ECHDC1: variants seen among roughly 807,000 people sequenced by gnomAD.
ECHDC1 encodes the protein ethylmalonyl-CoA decarboxylase 1.
ECHDC1 carries 29 observed loss-of-function variants against 29.7 expected under a neutral mutation model. The observed-to-expected ratio is 0.98, with a 90% confidence interval of 0.73 to 1.33. ECHDC1 has a LOEUF of 1.33. Ranked by LOEUF, ECHDC1 falls within the 40% of genes most tolerant of loss-of-function variation. The pLI, the probability that ECHDC1 is intolerant of heterozygous loss-of-function variation, is 0.00. For missense variants in ECHDC1, 328 were observed against 350.0 expected, an observed-to-expected ratio of 0.94 and a Z score of 0.50; for synonymous variants, 126 against 123.1, an observed-to-expected ratio of 1.02 and a Z score of -0.15.
chr6:127,334,262 T>C (rs1784234407), intron 1 of ECHDC1, among the ~76,000 whole-genome samples: 1 of 152,116 alleles, frequency 6.6e-6, no homozygotes, highest in Admixed American at 6.5e-5. Flanking sequence ...TTACTCCTTC[T>C]TTCCCTGAAC....
Position 127,289,894 on chromosome 6 carries a change from G to C in ECHDC1, c.881C>G (p.Ala294Gly). Residue 294 changes from alanine to glycine, a missense_variant, in exon 6 of 6, where the codon GCT becomes GGT. By Grantham distance (60) the Ala-to-Gly change is moderately conservative. Transcript: ENST00000454859. ...TTATTTATTAAATTTTCCTTTCTTAGCAATAGCCTCTAAATTTGCAGGCCC... is the reference window on the plus strand; with the variant it reads ...TTATTTATTAAATTTTCCTTTCTTACCAATAGCCTCTAAATTTGCAGGCCC... Reference protein sequence around the residue: ...WGGPANLEAIAKKGKFNK With the variant: ...WGGPANLEAIGKKGKFNK The C allele has an allele frequency of 6.2e-7, 1 of 1,610,328 alleles. No individual in the cohort carries two copies. The highest frequency in any genetic ancestry group is 8.5e-7 in the Non-Finnish European group (1 of 1,178,500).
chr6:127,337,632 G>T (rs1467005092), intron 1 of ECHDC1, among the ~76,000 whole-genome samples: 3 of 152,120 alleles, frequency 2.0e-5, no homozygotes, highest in Non-Finnish European at 2.9e-5. Flanking sequence ...AGGACCTGAG[G>T]GCTGTGTCAC....
In ECHDC1 at chr6:127,342,350, A is replaced by G. The variant is rs146355334; in HGVS notation, c.-3+986T>C. On this transcript the variant is annotated intron_variant, in intron 1 of 5. Coordinates refer to ENST00000454859, the MANE Select transcript of ECHDC1 (RefSeq NM_001002030.2). ...AACTACCCTGTTTATAATCCTCACAACTCACCCTGTTTCAATGCCATGCTT... is the reference window on the plus strand; with the variant it reads ...AACTACCCTGTTTATAATCCTCACAGCTCACCCTGTTTCAATGCCATGCTT... 1.7e-4 allele frequency: 264 copies of G among 1,544,916 alleles called. No individual in the cohort carries two copies. In the African/African-American group the frequency reaches 3.0e-3, roughly 17 times the overall value.
At chr6:127,332,920 G>A (rs1583008418) in intron 1 of ECHDC1, among the ~76,000 whole-genome samples, 1 of 152,134 alleles carries the variant, frequency 6.6e-6, no homozygotes, top group Non-Finnish European at 1.5e-5. Context: ...AGCCTCCCGA[G>A]TAGCTGGGAC....
chr6:127,322,954 A>T (rs1029241305), intron 3 of ECHDC1, among the ~76,000 whole-genome samples: 2 of 152,138 alleles, frequency 1.3e-5, no homozygotes, highest in Non-Finnish European at 2.9e-5. Context: ...GAGCTATGAA[A>T]ATATGAAATC....
At chr6:127,298,989 C>T (rs1780838893) in intron 5 of ECHDC1, among the ~76,000 whole-genome samples, 1 of 151,822 alleles carries the variant, frequency 6.6e-6, no homozygotes, top group Non-Finnish European at 1.5e-5. Flanking sequence ...GATCCTCCTG[C>T]CTCATCCTCC....
intron 3 of ECHDC1, among the ~76,000 whole-genome samples, chr6:127,317,088 T>C (rs1292358139): frequency 1.3e-5 from 2 of 152,246 alleles, no homozygotes; most frequent in African/African-American, 4.8e-5. Flanking sequence ...CTCCTACTTG[T>C]CAAATTAAAT....
At chr6:127,295,827 C>T (rs531759897) in intron 5 of ECHDC1, among the ~76,000 whole-genome samples, 3 of 152,264 alleles carry the variant, frequency 2.0e-5, no homozygotes, top group South Asian at 4.1e-4. Flanking sequence ...ATTATCACAG[C>T]ATTAATCATT....
At chr6:127,302,564 TA>T (rs1214079832) in intron 5 of ECHDC1, among the ~76,000 whole-genome samples, 1 of 151,966 alleles carries the variant, frequency 6.6e-6, no homozygotes, top group African/African-American at 2.4e-5. Context: ...CATGCCCGGC[TA>T]ATTTTTGTAT....
At chr6:127,322,550 G>A (rs563787895) in intron 3 of ECHDC1, among the ~76,000 whole-genome samples, 1 of 152,024 alleles carries the variant, frequency 6.6e-6, no homozygotes, top group East Asian at 1.9e-4. Flanking sequence ...TTTACTAAGT[G>A]ATTCCTTATT....
rs139217389 is a variant in ECHDC1, at chr6:127,319,648, T to G, written c.364-3146A>C. Among the ~76,000 whole-genome samples, 943 of 152,192 alleles carry G rather than the reference T, an allele frequency of 6.2e-3. 11 individuals are homozygous for G. Among genetic ancestry groups the G allele is most frequent in the Non-Finnish European group, 9.0e-3 (610 of 68,004 alleles). ...CCAGTAAGAGATATCTGTGATAGAGTAAGCTGTGGGTGAGGAACCAGTAAA... is the reference window on the plus strand; with the variant it reads ...CCAGTAAGAGATATCTGTGATAGAGGAAGCTGTGGGTGAGGAACCAGTAAA... On this transcript the variant is annotated intron_variant, in intron 3 of 5. Transcript: ENST00000454859.
Position 127,339,500 on chromosome 6 carries a change from C to T in ECHDC1, c.-3+3836G>A, listed in dbSNP as rs117937760. On this transcript the variant is annotated intron_variant, in intron 1 of 5. Transcript: ENST00000454859. Reference sequence around the variant, plus strand: ...AAAAAGAACTATTTCAGGCCAGGTACGGTGGCTTATGCCTGTAATCCCAGC... The same window carrying T: ...AAAAAGAACTATTTCAGGCCAGGTATGGTGGCTTATGCCTGTAATCCCAGC... Among the ~76,000 whole-genome samples, 279 of 151,892 alleles carry T rather than the reference C, an allele frequency of 1.8e-3. 2 individuals are homozygous for T. Among genetic ancestry groups the T allele is most frequent in the Non-Finnish European group, 3.1e-3 (209 of 67,942 alleles).
At chr6:127,327,177 T>C (rs1230544594) in intron 2 of ECHDC1, 33 bp from the exon 3 acceptor site, 2 of 1,602,856 alleles carry the variant, frequency 1.2e-6, no homozygotes, top group East Asian at 2.2e-5. Flanking sequence ...ATCACAAATA[T>C]ATGAAGGTGA....
At chr6:127,290,410 A>C (rs1213767916) in intron 5 of ECHDC1, 133 bp from the exon 6 acceptor site, 6 of 864,522 alleles carry the variant, frequency 6.9e-6, no homozygotes, top group Non-Finnish European at 1.0e-5. Context: ...CAATGTTTGA[A>C]AAATATGGCT....
At chr6:127,327,687 G>A (rs1243948793) in intron 2 of ECHDC1, among the ~76,000 whole-genome samples, 2 of 152,114 alleles carry the variant, frequency 1.3e-5, no homozygotes, top group Non-Finnish European at 2.9e-5. Context: ...CTTGTTCCAT[G>A]GTTAACAAAC....
At chr6:127,300,570 A>G (rs1210736285) in intron 5 of ECHDC1, among the ~76,000 whole-genome samples, 1 of 152,214 alleles carries the variant, frequency 6.6e-6, no homozygotes, top group Admixed American at 6.5e-5. Flanking sequence ...TTGACTCACC[A>G]CTGCTGGAGG....
chr6:127,307,058 C>T (rs1781496710), intron 5 of ECHDC1, among the ~76,000 whole-genome samples: 1 of 152,068 alleles, frequency 6.6e-6, no homozygotes. Flanking sequence ...AGACAATATG[C>T]TCCTGAATGG....
At chr6:127,290,306 G>C (rs111632438) in intron 5 of ECHDC1, 29 bp from the exon 6 acceptor site, 107 of 1,591,198 alleles carry the variant, frequency 6.7e-5, no homozygotes, top group Non-Finnish European at 8.0e-5. Context: ...AAGCTTAATT[G>C]TAACTCTCTC....
intron 5 of ECHDC1, among the ~76,000 whole-genome samples, chr6:127,308,575 TTCTC>T (rs1222347562): frequency 1.3e-5 from 2 of 152,100 alleles, no homozygotes; most frequent in Non-Finnish European, 2.9e-5. Context: ...GGTAAAAGCC[TTCTC>T]TCTAAGATCT....
Sources: allele counts gnomAD v4.1 joint callset (sites outside exome capture counted in the v4.1 genomes callset), GRCh38; gene constraint gnomAD v4.1.1; transcripts MANE v1.5; gene names NCBI Gene and HGNC (gene_info 2026-07-23, HGNC 2026-07-21).